The following IFT88 variants were observed in gnomAD, a reference collection of about 807,000 sequenced individuals.
The protein encoded by IFT88 is intraflagellar transport protein 88 homolog.
In IFT88, 74 loss-of-function variants were observed where a neutral mutation model predicts 119.5. That is an observed-to-expected ratio of 0.62 (90% CI 0.51 to 0.75). IFT88 has a LOEUF of 0.75. Among genes scored for constraint, IFT88 ranks in the 30% least tolerant of loss-of-function variants. IFT88 has a pLI of 0.00. For missense variants in IFT88, 961 were observed against 977.7 expected (o/e 0.98, Z 0.23); for synonymous variants, 279 against 316.7 (o/e 0.88, Z 1.26).
intron 13 of IFT88, chr13:20,607,520 C>A (rs2987986): frequency 0.14 from 93,284 of 689,438 alleles, 7,378 homozygotes; most frequent in African/African-American, 0.25. Flanking sequence ...GTGGGGAGGC[C>A]GCCACGCTGT....
At chr13:20,678,318 A>T (rs2056928827) in intron 24 of IFT88, among the ~76,000 whole-genome samples, 2 of 152,226 alleles carry the variant, frequency 1.3e-5, no homozygotes, top group South Asian at 4.1e-4. Flanking sequence ...AGACACAGAA[A>T]TAGGGTGCAG....
intron 13 of IFT88, 127 bp downstream of exon 13, chr13:20,605,232 T>G (rs1313153607): frequency 2.3e-6 from 1 of 431,964 alleles, no homozygotes; most frequent in African/African-American, 2.1e-5. Flanking sequence ...AAGGGTTGAA[T>G]GTGCATTCTG....
chr13:20,597,745 CA>C lies in IFT88; in HGVS notation c.594+636del, dbSNP rs1174154005. Among the ~76,000 whole-genome samples the C allele has an allele frequency of 8.5e-5, 12 of 140,908 alleles. No individual in the cohort carries two copies. The South Asian group carries it at 1.4e-3, about 16-fold the overall frequency. The allele number at this position is 140,908 out of a possible 152,430, so 92.4% of individuals were successfully genotyped here. On this transcript the variant is annotated intron_variant, in intron 9 of 25. Coordinates refer to ENST00000351808, the MANE Select transcript of IFT88 (RefSeq NM_006531.5). ...TGGGCGACAGAGCGAGACTCCGTCT[CA>C]AAAAAAAAATATATATATATATATT...
At chr13:20,676,103 T>A (rs185676269) in intron 24 of IFT88, among the ~76,000 whole-genome samples, 3 of 152,324 alleles carry the variant, frequency 2.0e-5, no homozygotes, top group Admixed American at 2.0e-4. Context: ...TCAACACACA[T>A]CACAGAGCAT....
intron 24 of IFT88, among the ~76,000 whole-genome samples, chr13:20,688,987 T>C (rs759865584): frequency 1.3e-5 from 2 of 152,244 alleles, no homozygotes; most frequent in African/African-American, 2.4e-5. Flanking sequence ...CAGGCTGGAA[T>C]GCAGTGGCAC....
At chr13:20,630,405 G>T (rs893576381) in intron 15 of IFT88, among the ~76,000 whole-genome samples, 1 of 152,116 alleles carries the variant, frequency 6.6e-6, no homozygotes, top group Non-Finnish European at 1.5e-5. Flanking sequence ...CTATAGGCTA[G>T]TCAGTCATGG....
intron 13 of IFT88, chr13:20,607,510 G>C: frequency 1.5e-6 from 1 of 685,212 alleles, no homozygotes; most frequent in East Asian, 3.0e-5. Context: ...CTTTTGACAT[G>C]TGGGGAGGCC....
intron 22 of IFT88, among the ~76,000 whole-genome samples, chr13:20,657,804 C>T (rs530217291): frequency 1.3e-5 from 2 of 149,818 alleles, no homozygotes; most frequent in Non-Finnish European, 2.9e-5. Flanking sequence ...TAAATTTGTT[C>T]TTCAATGACA....
chr13:20,567,895 A>T (rs1381427467), intron 1 of IFT88: 8 of 626,018 alleles, frequency 1.3e-5, no homozygotes, highest in African/African-American at 1.9e-5. Flanking sequence ...AAACTGCAGT[A>T]GGCTTCTTGG....
At chr13:20,687,254 G>C (rs142743666) in intron 24 of IFT88, among the ~76,000 whole-genome samples, 1 of 152,182 alleles carries the variant, frequency 6.6e-6, no homozygotes, top group Non-Finnish European at 1.5e-5. Context: ...TAAAATACAG[G>C]GTAGTGAAAA....
chr13:20,648,632 C>A lies in IFT88; in HGVS notation c.1949+3674C>A, dbSNP rs115693670. On this transcript the variant is annotated intron_variant, in intron 20 of 25. Transcript: ENST00000351808. The stretch of plus-strand genomic sequence containing the variant: ...GAATTGAGGAAGAAAAAACATATAA[C>A]ACATGCAGAAAACAAATAGCAGAAG... Among the ~76,000 whole-genome samples the A allele has an allele frequency of 5.9e-5, 9 of 151,914 alleles. No homozygotes were observed. The South Asian group carries it at 1.7e-3, about 28-fold the overall frequency.
chr13:20,668,620 C>G (rs188217288), intron 23 of IFT88, among the ~76,000 whole-genome samples: 12 of 152,268 alleles, frequency 7.9e-5, no homozygotes, highest in Non-Finnish European at 1.5e-4. Context: ...ACCACATTCT[C>G]TGTGCACAGG....
chr13:20,574,986 A>AT (rs1233541447), intron 2 of IFT88, among the ~76,000 whole-genome samples: 1 of 151,834 alleles, frequency 6.6e-6, no homozygotes, highest in Non-Finnish European at 1.5e-5. Context: ...TCTTTTAGTT[A>AT]TTTTTAAATG....
chr13:20,591,092 C>A, intron 5 of IFT88, 72 bp downstream of exon 5: 1 of 986,814 alleles, frequency 1.0e-6, no homozygotes, highest in Non-Finnish European at 1.6e-6. Context: ...AGTTTTTTTA[C>A]TTTATTATAT....
chr13:20,616,835 G>A (rs187896540), intron 14 of IFT88, among the ~76,000 whole-genome samples: 127 of 152,254 alleles, frequency 8.3e-4, no homozygotes, highest in African/African-American at 2.9e-3. Context: ...CAGCATTACA[G>A]CACCTAGGAT....
Position 20,668,810 on chromosome 13 carries a change from G to A in IFT88, c.2176-2163G>A, listed in dbSNP as rs183469332. 1.2e-3 allele frequency among the ~76,000 whole-genome samples: 181 copies of A among 152,296 alleles called. No individual in the cohort carries two copies. The Middle Eastern group carries it at 0.024, about 20-fold the overall frequency. On this transcript the variant is annotated intron_variant, in intron 23 of 25. Transcript: ENST00000351808. ...GGGATTAGCGGACCCATCCATGCAG[G>A]GTCCATGCCAGCTGGCATATCCAAG...
At chr13:20,582,400 G>GC (rs1040447345) in intron 2 of IFT88, among the ~76,000 whole-genome samples, 4 of 152,094 alleles carry the variant, frequency 2.6e-5, no homozygotes, top group South Asian at 2.1e-4. Context: ...GACTTGTTGA[G>GC]CCCCCCCATT....
At chr13:20,684,861 G>A (rs951643620) in intron 24 of IFT88, among the ~76,000 whole-genome samples, 4 of 152,184 alleles carry the variant, frequency 2.6e-5, no homozygotes, top group Non-Finnish European at 4.4e-5. Flanking sequence ...CTGTCGCTTC[G>A]GGGCGACCCT....
At chr13:20,682,213 G>A (rs2057403188) in intron 24 of IFT88, among the ~76,000 whole-genome samples, 1 of 152,244 alleles carries the variant, frequency 6.6e-6, no homozygotes, top group African/African-American at 2.4e-5. Flanking sequence ...CTGTGAATTA[G>A]CATGTGGAAG....
Sources: gnomAD v4.1 joint callset for allele counts (sites outside exome capture counted in the v4.1 genomes callset) on GRCh38, gnomAD v4.1.1 for gene constraint, MANE v1.5 for transcripts, NCBI Gene and HGNC (gene_info 2026-07-23, HGNC 2026-07-21) for gene names.